Variants in PTPRD observed in about 807,000 individuals in gnomAD.
PTPRD encodes the protein protein tyrosine phosphatase receptor type D, also known as receptor-type tyrosine-protein phosphatase delta.
A neutral mutation model predicts 214.5 loss-of-function variants in PTPRD; 34 were observed. That is an observed-to-expected ratio of 0.16 (90% confidence interval 0.12 to 0.21). The LOEUF (loss-of-function observed/expected upper bound fraction) is 0.21, where lower values mean the gene tolerates loss of function less well. PTPRD is among the 10% of genes least tolerant of loss of function. The probability of loss-of-function intolerance (pLI) is 1.00; values close to 1 mark genes in which losing one functional copy is unlikely to be tolerated. For missense variants in PTPRD, 2,545 were observed against 2,398.7 expected (o/e 1.06, Z -1.27); for synonymous variants, 1,128 against 845.7 (o/e 1.33, Z -5.79).
At chr9:9,127,855 A>G (rs1326600538) in intron 10 of PTPRD, among the ~76,000 whole-genome samples, 1 of 152,206 alleles carries the variant, frequency 6.6e-6, no homozygotes, top group African/African-American at 2.4e-5. Context: ...AAAAGGAAGA[A>G]AAGGAAGCAC....
At chr9:9,432,410 C>T (rs2083554731) in intron 8 of PTPRD, among the ~76,000 whole-genome samples, 1 of 152,082 alleles carries the variant, frequency 6.6e-6, no homozygotes, top group Non-Finnish European at 1.5e-5. Context: ...GACAAACTTA[C>T]AATTATTTTT....
chr9:8,611,863 C>T (rs2095462610), intron 14 of PTPRD, among the ~76,000 whole-genome samples: 1 of 149,042 alleles, frequency 6.7e-6, no homozygotes, highest in Non-Finnish European at 1.5e-5. Flanking sequence ...TTCATTATCA[C>T]TTCCAGAAAG....
At chr9:9,341,252 C>A (rs1281007236) in intron 9 of PTPRD, among the ~76,000 whole-genome samples, 4 of 152,030 alleles carry the variant, frequency 2.6e-5, no homozygotes, top group Non-Finnish European at 5.9e-5. Context: ...CTCTATTTAA[C>A]CTCCATCTGT....
intron 10 of PTPRD, among the ~76,000 whole-genome samples, chr9:9,141,926 A>G (rs2099861144): frequency 6.6e-6 from 1 of 152,156 alleles, no homozygotes; most frequent in Non-Finnish European, 1.5e-5. Flanking sequence ...TGGCTTTCTC[A>G]TGTCCCCTTT....
intron 3 of PTPRD, among the ~76,000 whole-genome samples, chr9:10,113,717 C>A (rs2154238293): frequency 6.6e-6 from 1 of 152,250 alleles, no homozygotes; most frequent in South Asian, 2.1e-4. Context: ...ATAAAAAAAT[C>A]TTTAAGACAA....
At chr9:10,375,780 C>T (rs1202716440) in intron 2 of PTPRD, among the ~76,000 whole-genome samples, 1 of 151,932 alleles carries the variant, frequency 6.6e-6, no homozygotes, top group Non-Finnish European at 1.5e-5. Flanking sequence ...TACCAAGTGA[C>T]TCTGAAAATC....
chr9:9,583,018 A>G lies in PTPRD; in HGVS notation c.-286-8237T>C, dbSNP rs566271745. Among the ~76,000 whole-genome samples, 12 of 152,218 alleles carry G rather than the reference A, an allele frequency of 7.9e-5. No individual in the cohort carries two copies. In the East Asian group the frequency reaches 2.3e-3, roughly 29 times the overall value. ...AAAATATGTGATTAAAAATATCTACAGAAAATGTTGCCAATAAATAGTATA... is the reference window on the plus strand; with the variant it reads ...AAAATATGTGATTAAAAATATCTACGGAAAATGTTGCCAATAAATAGTATA... On this transcript the variant is annotated intron_variant, in intron 7 of 45. Coordinates refer to ENST00000381196, the MANE Select transcript of PTPRD (RefSeq NM_002839.4).
chr9:9,746,626 C>T (rs747391136), intron 6 of PTPRD, among the ~76,000 whole-genome samples: 19 of 151,960 alleles, frequency 1.3e-4, no homozygotes, highest in Non-Finnish European at 2.5e-4. Flanking sequence ...GTTGCTTAGC[C>T]ATTAGGGATT....
intron 2 of PTPRD, among the ~76,000 whole-genome samples, chr9:10,462,441 A>T (rs990851703): frequency 1.3e-5 from 2 of 152,180 alleles, no homozygotes; most frequent in Non-Finnish European, 2.9e-5. Context: ...AATTCACCAA[A>T]CACACACATC....
intron 5 of PTPRD, among the ~76,000 whole-genome samples, chr9:9,855,562 C>T (rs2061393314): frequency 6.6e-6 from 1 of 152,110 alleles, no homozygotes; most frequent in Non-Finnish European, 1.5e-5. Flanking sequence ...TGCCTCATTT[C>T]CTCAACCTGC....
At chr9:9,465,190 C>G (rs955474) in intron 8 of PTPRD, among the ~76,000 whole-genome samples, 73,314 of 151,932 alleles carry the variant, frequency 0.48, 18,105 homozygotes, top group East Asian at 0.66. Context: ...AGAAATGTAC[C>G]AGGTAATCAT....
At chr9:10,333,130 T>C (rs1253508054) in intron 3 of PTPRD, among the ~76,000 whole-genome samples, 1 of 151,804 alleles carries the variant, frequency 6.6e-6, no homozygotes, top group Non-Finnish European at 1.5e-5. Flanking sequence ...GTGAGGATAT[T>C]CAGTGAGTGA....
intron 11 of PTPRD, among the ~76,000 whole-genome samples, chr9:8,870,720 A>ACACACACG (rs2098282906): frequency 6.6e-6 from 1 of 151,380 alleles, no homozygotes; most frequent in Non-Finnish European, 1.5e-5. Flanking sequence ...ACACACACAC[A>ACACACACG]CACACACACG....
At chr9:8,617,515 A>C (rs2095653264) in intron 14 of PTPRD, among the ~76,000 whole-genome samples, 3 of 152,118 alleles carry the variant, frequency 2.0e-5, no homozygotes, top group Admixed American at 6.6e-5. Context: ...CAACTTTTAA[A>C]ATTTACTGAC....
At chr9:8,725,719 G>A (rs2098549657) in intron 12 of PTPRD, among the ~76,000 whole-genome samples, 1 of 152,104 alleles carries the variant, frequency 6.6e-6, no homozygotes, top group African/African-American at 2.4e-5. Flanking sequence ...TGTATCAAGT[G>A]TGTGCTATAT....
intron 9 of PTPRD, among the ~76,000 whole-genome samples, chr9:9,328,178 G>A (rs1254137101): frequency 6.6e-6 from 1 of 152,050 alleles, no homozygotes; most frequent in Non-Finnish European, 1.5e-5. Flanking sequence ...AAAAAGTTGA[G>A]TTTTTAACAC....
At chr9:10,000,715 G>C (rs374158407) in intron 4 of PTPRD, among the ~76,000 whole-genome samples, 1 of 152,310 alleles carries the variant, frequency 6.6e-6, no homozygotes, top group East Asian at 1.9e-4. Flanking sequence ...AAGCCAGGCT[G>C]GCAAGTATTA....
chr9:8,715,851 T>C (rs1046923995), intron 12 of PTPRD, among the ~76,000 whole-genome samples: 3 of 152,246 alleles, frequency 2.0e-5, no homozygotes, highest in Non-Finnish European at 4.4e-5. Flanking sequence ...CACCAAATGT[T>C]TAGCCTTCAG....
Position 9,084,971 on chromosome 9 carries a change from G to C in PTPRD, c.-142-66236C>G, listed in dbSNP as rs956732126. On this transcript the variant is annotated intron_variant, in intron 10 of 45. Transcript: ENST00000381196. ...ACCATTTTTAGCACAGACAGGGAAA[G>C]ATTATTTTTCCCTGAAAATATTCCT... is the stretch of plus-strand genomic sequence containing the variant. Among the ~76,000 whole-genome samples the C allele has an allele frequency of 2.6e-5, 4 of 152,124 alleles. No individual in the cohort carries two copies. The South Asian group carries it at 6.2e-4, about 24-fold the overall frequency.
Sources: allele counts gnomAD v4.1 joint callset (sites outside exome capture counted in the v4.1 genomes callset), GRCh38; gene constraint gnomAD v4.1.1; transcripts MANE v1.5; gene names NCBI Gene and HGNC (gene_info 2026-07-23, HGNC 2026-07-21).